DYRK4: variants seen among roughly 807,000 people sequenced by gnomAD.
The protein encoded by DYRK4 is dual specificity tyrosine phosphorylation regulated kinase 4.
DYRK4 carries 64 observed loss-of-function variants against 68.3 expected under a neutral mutation model. That is an observed-to-expected ratio of 0.94 (90% CI 0.77 to 1.15). DYRK4 has a LOEUF of 1.15. Among genes scored for constraint, DYRK4 ranks in the 50% most tolerant of loss-of-function variants. DYRK4 has a pLI of 0.00. For synonymous variants in DYRK4, 274 were observed against 289.9 expected (o/e 0.95, Z 0.56); for missense variants, 740 against 764.7 (o/e 0.97, Z 0.38).
chr12:4,586,428 A>G (rs1272651447), intron 2 of DYRK4, among the ~76,000 whole-genome samples: 1 of 152,154 alleles, frequency 6.6e-6, no homozygotes, highest in East Asian at 1.9e-4. Context: ...ATGAAAGCTC[A>G]CTTTCTTCAA....
intron 5 of DYRK4, among the ~76,000 whole-genome samples, chr12:4,592,097 A>G (rs1436995501): frequency 2.0e-5 from 3 of 152,266 alleles, no homozygotes; most frequent in African/African-American, 7.2e-5. Context: ...AGAAACTGAA[A>G]TTGGTGCTTG....
At chr12:4,581,650 G>A (rs764761775) in intron 2 of DYRK4, among the ~76,000 whole-genome samples, 7 of 152,162 alleles carry the variant, frequency 4.6e-5, no homozygotes, top group Non-Finnish European at 7.3e-5. Context: ...GAGAGGGAAG[G>A]ACTGAAGTCA....
chr12:4,575,289 C>T (rs949072813), intron 2 of DYRK4, among the ~76,000 whole-genome samples: 1 of 62,120 alleles, frequency 1.6e-5, no homozygotes, highest in Non-Finnish European at 3.6e-5. Context: ...AATTTACTAA[C>T]AATAACTTAC....
chr12:4,612,757 C>T (rs371404310), intron 14 of DYRK4, 39 bp downstream of exon 14: 159 of 1,601,310 alleles, frequency 9.9e-5, no homozygotes, highest in Admixed American at 2.8e-4. Flanking sequence ...TCCCACAGTC[C>T]GGGAATTAAT....
chr12:4,599,474 A>G (rs932779779), intron 9 of DYRK4, among the ~76,000 whole-genome samples: 1 of 152,126 alleles, frequency 6.6e-6, no homozygotes, highest in African/African-American at 2.4e-5. Context: ...TGACAAATAT[A>G]TGCAAAAGAA....
intron 1 of DYRK4, 30 bp from the exon 2 acceptor site, chr12:4,567,925 C>T: frequency 6.6e-7 from 1 of 1,525,108 alleles, no homozygotes; most frequent in Middle Eastern, 1.7e-4. Context: ...ACTCCTCCTG[C>T]CAATTTATTT....
chr12:4,609,372 G>A (rs1328700291), intron 12 of DYRK4, among the ~76,000 whole-genome samples: 2 of 152,190 alleles, frequency 1.3e-5, no homozygotes, highest in Non-Finnish European at 2.9e-5. Context: ...AGGATTCGAC[G>A]TTTTTAATGA....
chr12:4,578,310 GAAGAAA>G (rs386759777), intron 2 of DYRK4, among the ~76,000 whole-genome samples: 20,730 of 151,870 alleles, frequency 0.14, 3,225 homozygotes, highest in African/African-American at 0.38. Flanking sequence ...TTATCTCTTT[GAAGAAA>G]TTGCTGGTTA....
intron 2 of DYRK4, among the ~76,000 whole-genome samples, chr12:4,586,101 T>C (rs1326904149): frequency 6.6e-6 from 1 of 152,170 alleles, no homozygotes; most frequent in Non-Finnish European, 1.5e-5. Flanking sequence ...CATGCACCTG[T>C]AGTCCCAGCT....
chr12:4,584,683 G>T (rs528242117), intron 2 of DYRK4, among the ~76,000 whole-genome samples: 62 of 150,986 alleles, frequency 4.1e-4, no homozygotes, highest in African/African-American at 1.5e-3. Flanking sequence ...AGCCTCCCGA[G>T]TAGCTGGGAC....
chr12:4,597,085 C>T lies in DYRK4; in HGVS notation c.905+356C>T, dbSNP rs117143212. 5.4e-5 allele frequency: 60 copies of T among 1,104,118 alleles called. No homozygotes were observed. The South Asian group carries it at 9.8e-4, about 18-fold the overall frequency. 68.4% of individuals were successfully genotyped at this position (1,104,118 alleles called of 1,614,324 possible). The stretch of plus-strand genomic sequence containing the variant: ...CCACTCATTGGCTTTCTGGCCTGGT[C>T]GTGCAGAGGCTGAAACCCAAAGGAA... On this transcript the variant is annotated intron_variant, in intron 8 of 14. Coordinates refer to ENST00000543431, the MANE Select transcript of DYRK4 (RefSeq NM_001394779.1).
At chr12:4,581,189 A>T (rs1052271541) in intron 2 of DYRK4, among the ~76,000 whole-genome samples, 2 of 152,168 alleles carry the variant, frequency 1.3e-5, no homozygotes, top group African/African-American at 4.8e-5. Flanking sequence ...AGGGCCTGAC[A>T]TGATGAGAAT....
At chr12:4,598,890 C>G in intron 8 of DYRK4, 138 bp from the exon 9 acceptor site, 6 of 899,854 alleles carry the variant, frequency 6.7e-6, no homozygotes, top group Non-Finnish European at 1.0e-5. Context: ...TCTATAAGGG[C>G]ATGAAAGCCT....
intron 2 of DYRK4, among the ~76,000 whole-genome samples, chr12:4,584,312 A>G (rs1243150915): frequency 3.3e-5 from 5 of 152,160 alleles, no homozygotes; most frequent in African/African-American, 7.2e-5. Context: ...TTAAGAATGA[A>G]TGCATCTCCA....
At chr12:4,574,212 G>A (rs1276216226) in intron 2 of DYRK4, among the ~76,000 whole-genome samples, 1 of 139,546 alleles carries the variant, frequency 7.2e-6, no homozygotes, top group African/African-American at 2.7e-5. Context: ...GCGACAGAGC[G>A]AGACTCCATC....
At chr12:4,575,299 C>CTGTGTGTGTGTGTGTGTGTGTGTG (rs35874260) in intron 2 of DYRK4, among the ~76,000 whole-genome samples, 23 of 148,966 alleles carry the variant, frequency 1.5e-4, no homozygotes, top group African/African-American at 5.2e-4. Context: ...CAATAACTTA[C>CTGTGTGTGTGTGTGTGTGTGTGTG]TGTGTGTGTG....
intron 1 of DYRK4, among the ~76,000 whole-genome samples, chr12:4,566,263 A>G (rs1591781894): frequency 6.6e-6 from 1 of 152,214 alleles, no homozygotes; most frequent in African/African-American, 2.4e-5. Context: ...GCCCAGGTTT[A>G]GCATAGCCAC....
chr12:4,582,022 C>T (rs1048203061), intron 2 of DYRK4, among the ~76,000 whole-genome samples: 1 of 152,192 alleles, frequency 6.6e-6, no homozygotes, highest in African/African-American at 2.4e-5. Flanking sequence ...TAACTTTGTG[C>T]ATGAAACAAA....
chr12:4,573,198 T>C (rs1944750288), intron 2 of DYRK4: 1 of 678,978 alleles, frequency 1.5e-6, no homozygotes, highest in African/African-American at 1.9e-5. Flanking sequence ...GTTTAAAATA[T>C]AATCGTAAGC....
Sources: allele counts gnomAD v4.1 joint callset (sites outside exome capture counted in the v4.1 genomes callset), GRCh38; gene constraint gnomAD v4.1.1; transcripts MANE v1.5; gene names NCBI Gene and HGNC (gene_info 2026-07-23, HGNC 2026-07-21).